AMN1: variants seen among roughly 807,000 people sequenced by gnomAD.
AMN1 encodes protein AMN1 homolog.
AMN1 carries 20 observed loss-of-function variants against 33.0 expected under a neutral mutation model. The ratio of observed to expected loss-of-function variants is 0.61; its 90% CI spans 0.43 to 0.88. The LOEUF (loss-of-function observed/expected upper bound fraction) is 0.88, where lower values mean the gene tolerates loss of function less well. Ranked by LOEUF, AMN1 falls within the 40% of genes least tolerant of loss-of-function variation. The pLI, the probability that AMN1 is intolerant of heterozygous loss-of-function variation, is 0.00. For synonymous variants in AMN1, 114 were observed against 111.9 expected, an observed-to-expected ratio of 1.02 and a Z score of -0.12; for missense variants, 246 against 307.4, an observed-to-expected ratio of 0.80 and a Z score of 1.49.
intron 1 of AMN1, among the ~76,000 whole-genome samples, chr12:31,716,056 C>G (rs1240618055): frequency 2.0e-5 from 3 of 152,138 alleles, no homozygotes; most frequent in African/African-American, 7.2e-5. Flanking sequence ...TATCCGTATT[C>G]ATGTTTTTCA....
intron 2 of AMN1, 185 bp downstream of exon 2, chr12:31,709,108 G>T: frequency 1.5e-6 from 1 of 680,738 alleles, no homozygotes; most frequent in Non-Finnish European, 2.6e-6. Context: ...CCAGGCAGCG[G>T]AGGTTGCAGT....
At chr12:31,723,542 C>T (rs1045925657) in intron 1 of AMN1, among the ~76,000 whole-genome samples, 12 of 152,158 alleles carry the variant, frequency 7.9e-5, no homozygotes, top group Non-Finnish European at 1.6e-4. Context: ...GATCTCCTGA[C>T]CTCGTGATCC....
Position 31,690,541 on chromosome 12 carries a change from C to T in AMN1, c.592-1423G>A, listed in dbSNP as rs377233945. Among the ~76,000 whole-genome samples, 8 of 152,112 alleles carry T rather than the reference C, an allele frequency of 5.3e-5. No homozygotes were observed. The East Asian group carries it at 1.2e-3, about 22-fold the overall frequency. On this transcript the variant is annotated intron_variant, in intron 5 of 6. Transcript: ENST00000281471. Reference sequence around the variant, plus strand: ...TGAGCATTTTTTCATGTTTGTTGGCCATTTGTATATCTTCTTTTGAGAATT... The same window carrying T: ...TGAGCATTTTTTCATGTTTGTTGGCTATTTGTATATCTTCTTTTGAGAATT...
At chr12:31,727,804 C>T (rs1017539729) in intron 1 of AMN1, among the ~76,000 whole-genome samples, 1 of 152,232 alleles carries the variant, frequency 6.6e-6, no homozygotes, top group African/African-American at 2.4e-5. Context: ...GCGATCTCAG[C>T]TCACTGCAAC....
intron 1 of AMN1, among the ~76,000 whole-genome samples, chr12:31,712,056 TCCTCCCTC>T (rs1461847488): frequency 6.9e-6 from 1 of 145,888 alleles, no homozygotes; most frequent in Non-Finnish European, 1.5e-5. Flanking sequence ...CTCCCTCCCT[TCCTCCCTC>T]CCTCCCTCCT....
At chr12:31,706,440 C>T (rs1565776556) in intron 2 of AMN1, among the ~76,000 whole-genome samples, 1 of 151,884 alleles carries the variant, frequency 6.6e-6, no homozygotes, top group Non-Finnish European at 1.5e-5. Flanking sequence ...CAGTTCTAGT[C>T]TCTGCAGACT....
intron 2 of AMN1, among the ~76,000 whole-genome samples, chr12:31,707,559 C>A (rs1422531042): frequency 6.6e-6 from 1 of 152,186 alleles, no homozygotes; most frequent in Non-Finnish European, 1.5e-5. Context: ...CCTAGAAACC[C>A]TTATTCTAAC....
At chr12:31,689,853 C>T (rs1426037791) in intron 5 of AMN1, among the ~76,000 whole-genome samples, 3 of 152,036 alleles carry the variant, frequency 2.0e-5, no homozygotes, top group Non-Finnish European at 4.4e-5. Flanking sequence ...TTGGTGCAAC[C>T]ATCAACCAAG....
chr12:31,719,955 G>A (rs955463254), intron 1 of AMN1, among the ~76,000 whole-genome samples: 9 of 151,982 alleles, frequency 5.9e-5, no homozygotes, highest in East Asian at 1.9e-4. Flanking sequence ...AGTTCATTTC[G>A]TTCTCAATAT....
At chr12:31,676,846 TTATA>T (rs1207135861) in intron 6 of AMN1, among the ~76,000 whole-genome samples, 2 of 151,866 alleles carry the variant, frequency 1.3e-5, no homozygotes, top group Non-Finnish European at 2.9e-5. Context: ...GATGGCAGTG[TTATA>T]TTACAGTCTC....
chr12:31,723,826 C>T (rs1939964707), intron 1 of AMN1, among the ~76,000 whole-genome samples: 1 of 152,114 alleles, frequency 6.6e-6, no homozygotes, highest in South Asian at 2.1e-4. Flanking sequence ...CCAACTCCTG[C>T]CCTAGATAAC....
intron 1 of AMN1, among the ~76,000 whole-genome samples, chr12:31,716,236 G>A (rs1939671385): frequency 1.3e-5 from 2 of 152,060 alleles, no homozygotes; most frequent in South Asian, 2.1e-4. Context: ...ATAATATTCT[G>A]TTGTTTGACC....
chr12:31,685,716 AC>A (rs1174749739), intron 6 of AMN1, among the ~76,000 whole-genome samples: 1 of 149,602 alleles, frequency 6.7e-6, no homozygotes. Flanking sequence ...CAGGAGAATC[AC>A]TTGAACCTGG....
intron 3 of AMN1, among the ~76,000 whole-genome samples, chr12:31,699,047 G>A (rs1565772346): frequency 1.3e-5 from 2 of 152,038 alleles, no homozygotes; most frequent in South Asian, 2.1e-4. Flanking sequence ...GACCTTTGGC[G>A]AGGTGGGGGT....
intron 6 of AMN1, 56 bp downstream of exon 6, chr12:31,688,951 G>T: frequency 1.7e-6 from 2 of 1,161,186 alleles, no homozygotes; most frequent in Non-Finnish European, 1.3e-6. Context: ...TGTACTCAAG[G>T]TCACACAGTA....
At chr12:31,720,087 T>A (rs1042067071) in intron 1 of AMN1, among the ~76,000 whole-genome samples, 1 of 152,250 alleles carries the variant, frequency 6.6e-6, no homozygotes, top group African/African-American at 2.4e-5. Flanking sequence ...TTGCTTTACT[T>A]TTTTCTTTTA....
Position 31,706,920 on chromosome 12 carries a change from A to G in AMN1, c.171+2373T>C, listed in dbSNP as rs973503695. 3.9e-5 allele frequency among the ~76,000 whole-genome samples: 6 copies of G among 152,356 alleles called. No individual in the cohort carries two copies. In the South Asian group the frequency reaches 1.2e-3, roughly 32 times the overall value. ...AAGAAAAACAAAGATTACTGATTCC[A>G]TCAGGAGCAGAGGAATTAGAACAGA... On this transcript the variant is annotated intron_variant, in intron 2 of 6. Coordinates refer to ENST00000281471, the MANE Select transcript of AMN1 (RefSeq NM_001113402.2).
intron 5 of AMN1, among the ~76,000 whole-genome samples, chr12:31,696,178 A>G (rs1235243785): frequency 6.6e-6 from 1 of 152,108 alleles, no homozygotes; most frequent in African/African-American, 2.4e-5. Flanking sequence ...TGGAAGTTGC[A>G]GTGAGCTGAG....
At position 31,697,712 on chromosome 12, in the gene AMN1, A is replaced by G. The variant is rs776324728; in HGVS notation, c.534+28T>C. The G allele has an allele frequency of 3.8e-6, 6 of 1,590,078 alleles. No individual in the cohort carries two copies. The Admixed American group carries it at 1.0e-4, about 27-fold the overall frequency. On this transcript the variant is annotated intron_variant, in intron 4 of 6. Coordinates refer to ENST00000281471, the MANE Select transcript of AMN1 (RefSeq NM_001113402.2). ...AATACATTTGGTAAACACATAGTCT[A>G]TATGTTTGTAGCCTATATGTCATTT...
Sources: allele counts gnomAD v4.1 joint callset (sites outside exome capture counted in the v4.1 genomes callset), GRCh38; gene constraint gnomAD v4.1.1; transcripts MANE v1.5; gene names NCBI Gene and HGNC (gene_info 2026-07-23, HGNC 2026-07-21).